CADPS2: variants seen among roughly 807,000 people sequenced by gnomAD.
CADPS2 encodes calcium-dependent secretion activator 2.
Under a neutral mutation model 172.5 loss-of-function variants are expected in CADPS2, and 93 were observed. That is an observed-to-expected ratio of 0.54 (90% CI 0.46 to 0.64). CADPS2 has a LOEUF of 0.64. Among genes scored for constraint, CADPS2 ranks in the 30% least tolerant of loss-of-function variants. The pLI, the probability that CADPS2 is intolerant of heterozygous loss-of-function variation, is 0.00. For synonymous variants in CADPS2, 546 were observed against 555.2 expected, an observed-to-expected ratio of 0.98 and a Z score of 0.23; for missense variants, 1,420 against 1,565.9, an observed-to-expected ratio of 0.91 and a Z score of 1.57.
intron 8 of CADPS2, among the ~76,000 whole-genome samples, chr7:122,543,864 G>A (rs1164576870): frequency 6.6e-6 from 1 of 151,972 alleles, no homozygotes; most frequent in Non-Finnish European, 1.5e-5. Context: ...GCCTTCAAGA[G>A]ACAATAATAT....
chr7:122,881,405 T>G (rs567699470), intron 1 of CADPS2, among the ~76,000 whole-genome samples: 41 of 152,222 alleles, frequency 2.7e-4, no homozygotes, highest in African/African-American at 9.9e-4. Flanking sequence ...CTGTGGAAGG[T>G]TAAAAGAATC....
At position 122,588,306 on chromosome 7, in the gene CADPS2, T is replaced by G. The variant is rs557597221; in HGVS notation, c.1224-7016A>C. 2.0e-5 allele frequency among the ~76,000 whole-genome samples: 3 copies of G among 152,206 alleles called. No individual in the cohort carries two copies. The East Asian group carries it at 5.8e-4, about 29-fold the overall frequency. On this transcript the variant is annotated intron_variant, in intron 6 of 29. Coordinates refer to ENST00000449022, the MANE Select transcript of CADPS2 (RefSeq NM_017954.11). ...TTGCCTAAATGGTATTGCCTACATT[T>G]TCTTCTAGGGTTTATATACTTTTGG...
At chr7:122,548,628 T>C (rs1013027873) in intron 8 of CADPS2, among the ~76,000 whole-genome samples, 1 of 152,200 alleles carries the variant, frequency 6.6e-6, no homozygotes, top group Admixed American at 6.6e-5. Flanking sequence ...TAGCAAATTG[T>C]AGTAAAACAT....
At chr7:122,361,895 G>A (rs774062803) in intron 25 of CADPS2, among the ~76,000 whole-genome samples, 2 of 151,936 alleles carry the variant, frequency 1.3e-5, no homozygotes, top group Non-Finnish European at 2.9e-5. Context: ...CCAACATGGA[G>A]AAACCCCGTC....
chr7:122,430,143 A>T (rs1408866187), intron 17 of CADPS2, among the ~76,000 whole-genome samples: 2 of 152,154 alleles, frequency 1.3e-5, no homozygotes, highest in Non-Finnish European at 2.9e-5. Flanking sequence ...TAAACCTGGG[A>T]ACCTGGCAAC....
intron 8 of CADPS2, among the ~76,000 whole-genome samples, chr7:122,542,823 G>T (rs1434671668): frequency 6.6e-6 from 1 of 151,888 alleles, no homozygotes; most frequent in Admixed American, 6.6e-5. Flanking sequence ...TTCATAAGAG[G>T]AGTTAAGCCC....
At chr7:122,509,425 C>T (rs548237702) in intron 9 of CADPS2, among the ~76,000 whole-genome samples, 10 of 152,286 alleles carry the variant, frequency 6.6e-5, no homozygotes, top group Non-Finnish European at 1.5e-4. Context: ...ACATCAACAA[C>T]AAGCAGTGAA....
At chr7:122,810,739 C>G (rs1799845346) in intron 1 of CADPS2, among the ~76,000 whole-genome samples, 2 of 152,132 alleles carry the variant, frequency 1.3e-5, no homozygotes, top group Admixed American at 6.5e-5. Context: ...TACAGGCACA[C>G]ACCACAGTGC....
intron 20 of CADPS2, among the ~76,000 whole-genome samples, chr7:122,404,726 C>T (rs1048214277): frequency 6.6e-6 from 1 of 152,174 alleles, no homozygotes; most frequent in Non-Finnish European, 1.5e-5. Context: ...TTTTGATTTG[C>T]ATTTCTCTGA....
chr7:122,769,551 C>A (rs1466620363), intron 1 of CADPS2, among the ~76,000 whole-genome samples: 1 of 152,164 alleles, frequency 6.6e-6, no homozygotes, highest in Non-Finnish European at 1.5e-5. Flanking sequence ...AGAATTCCTC[C>A]TCTAAATCAT....
At chr7:122,606,303 T>C (rs2073530729) in intron 6 of CADPS2, among the ~76,000 whole-genome samples, 2 of 152,146 alleles carry the variant, frequency 1.3e-5, no homozygotes, top group African/African-American at 4.8e-5. Context: ...AGAATGAGAC[T>C]GAGCAGAAGA....
chr7:122,645,305 G>C (rs534324722), intron 3 of CADPS2, among the ~76,000 whole-genome samples: 1 of 130,422 alleles, frequency 7.7e-6, no homozygotes, highest in Admixed American at 7.8e-5. Flanking sequence ...ATACACATAT[G>C]TACATGTGTG....
At position 122,758,274 on chromosome 7, in the gene CADPS2, T is replaced by C. The variant is rs1194918520; in HGVS notation, c.340-21206A>G. ...AAAGAAATGAATTTCTCACTCCTTTTGGTATTATGTATCCATCTCAGCAGA... is the reference window on the plus strand; with the variant it reads ...AAAGAAATGAATTTCTCACTCCTTTCGGTATTATGTATCCATCTCAGCAGA... On this transcript the variant is annotated intron_variant, in intron 1 of 29. Transcript: ENST00000449022. Among the ~76,000 whole-genome samples, 4 of 152,198 alleles carry C rather than the reference T, an allele frequency of 2.6e-5. No individual in the cohort carries two copies. In the East Asian group the frequency reaches 7.7e-4, roughly 29 times the overall value.
intron 2 of CADPS2, among the ~76,000 whole-genome samples, chr7:122,692,168 A>C (rs367546556): frequency 6.6e-6 from 1 of 152,104 alleles, no homozygotes; most frequent in East Asian, 1.9e-4. Context: ...CCTTCTCCTG[A>C]ATGACTTGCA....
At chr7:122,476,641 C>T (rs2056650251) in intron 12 of CADPS2, among the ~76,000 whole-genome samples, 1 of 152,048 alleles carries the variant, frequency 6.6e-6, no homozygotes, top group Admixed American at 6.6e-5. Context: ...AATGATAGCA[C>T]TTTGAGTCAC....
intron 1 of CADPS2, among the ~76,000 whole-genome samples, chr7:122,800,987 G>T (rs556283086): frequency 3.9e-4 from 49 of 124,898 alleles, no homozygotes; most frequent in African/African-American, 1.6e-3. Context: ...GCGAGACTCT[G>T]CCTCAAAAAA....
chr7:122,413,929 A>G, intron 19 of CADPS2, 139 bp downstream of exon 19: 1 of 704,558 alleles, frequency 1.4e-6, no homozygotes, highest in Non-Finnish European at 2.3e-6. Context: ...AGCACATTCA[A>G]AGAAAAACAG....
chr7:122,511,785 G>T (rs1329243471), intron 9 of CADPS2, among the ~76,000 whole-genome samples: 1 of 152,116 alleles, frequency 6.6e-6, no homozygotes, highest in Non-Finnish European at 1.5e-5. Flanking sequence ...ACACAACTTT[G>T]TCAAATTAGA....
At chr7:122,343,570 C>T (rs1286699672) in intron 28 of CADPS2, among the ~76,000 whole-genome samples, 4 of 152,088 alleles carry the variant, frequency 2.6e-5, no homozygotes, top group African/African-American at 9.7e-5. Context: ...GAACTGATGG[C>T]AAGAATGGAT....
Sources: gnomAD v4.1 joint callset for allele counts (sites outside exome capture counted in the v4.1 genomes callset) on GRCh38, gnomAD v4.1.1 for gene constraint, MANE v1.5 for transcripts, NCBI Gene and HGNC (gene_info 2026-07-23, HGNC 2026-07-21) for gene names.